The following OR2M3 variants were observed in gnomAD, a reference collection of about 807,000 sequenced individuals.
The protein encoded by OR2M3 is olfactory receptor family 2 subfamily M member 3.
Under a neutral mutation model 4.3 loss-of-function variants are expected in OR2M3, and 1 was observed. The ratio of observed to expected loss-of-function variants is 0.23; its 90% CI spans 0.08 to 1.11. The LOEUF is 1.11. OR2M3 is among the 50% of genes most tolerant of loss of function. OR2M3 has a pLI of 0.54. For synonymous variants in OR2M3, 151 were observed against 139.4 expected (o/e 1.08, Z -0.59); for missense variants, 410 against 390.4 (o/e 1.05, Z -0.42).
At chr1:248,198,241 A>G (rs888150925) in intron 1 of OR2M3, among the ~76,000 whole-genome samples, 1 of 152,122 alleles carries the variant, frequency 6.6e-6, no homozygotes, top group Non-Finnish European at 1.5e-5. Flanking sequence ...GTAGGTAGTC[A>G]TTATTCCAGT....
Position 248,212,352 on chromosome 1 carries a change from A to C in OR2M3, c.*8346A>C, listed in dbSNP as rs1340564553. 6.6e-6 allele frequency: 1 copy of C among 152,068 alleles called. No individual in the cohort carries two copies. The highest frequency in any genetic ancestry group is 1.5e-5 in the Non-Finnish European group (1 of 67,952). 9.4% of individuals were successfully genotyped at this position (152,068 alleles called of 1,614,324 possible). A position where few individuals can be genotyped will look rare whatever the true frequency, so the allele number is the denominator to read the frequency against. On this transcript the variant is annotated 3_prime_UTR_variant, in exon 2 of 2. Transcript: ENST00000641626. Reference sequence around the variant, plus strand: ...TCCTTATCTTTTTAACAATTAAGCAAAATGCATAATTAATTATAGTTATCT... The same window carrying C: ...TCCTTATCTTTTTAACAATTAAGCACAATGCATAATTAATTATAGTTATCT...
Position 248,208,189 on chromosome 1 carries a change from G to C in OR2M3, c.*4183G>C, listed in dbSNP as rs910965813. ...ATGTTCTTTCACCCCTTTAACTTAA[G>C]TTTATGTGAGTCCTTATGTGTTTGG... On this transcript the variant is annotated 3_prime_UTR_variant, in exon 2 of 2. Coordinates refer to ENST00000641626, the MANE Select transcript of OR2M3 (RefSeq NM_001004689.2). 2 of 151,768 alleles carry C rather than the reference G, an allele frequency of 1.3e-5. No homozygotes were observed. Among genetic ancestry groups the C allele is most frequent in the Non-Finnish European group, 2.9e-5 (2 of 67,920 alleles). The allele number at this position is 151,768 out of a possible 1,614,324, so 9.4% of individuals were successfully genotyped here.
intron 1 of OR2M3, among the ~76,000 whole-genome samples, chr1:248,201,787 A>G (rs530390122): frequency 3.9e-5 from 6 of 152,094 alleles, no homozygotes; most frequent in Admixed American, 3.9e-4. Flanking sequence ...ATCATTTTTT[A>G]TGGCTGCATA....
chr1:248,201,442 T>A lies in OR2M3; in HGVS notation c.-18-1608T>A, dbSNP rs955025511. Among the ~76,000 whole-genome samples, 14 of 152,194 alleles carry A rather than the reference T, an allele frequency of 9.2e-5. No homozygotes were observed. The East Asian group carries it at 1.7e-3, about 19-fold the overall frequency. On this transcript the variant is annotated intron_variant, in intron 1 of 1. Transcript: ENST00000641626. ...CTCCAAAGCATTTATCCTCTTTTTT[T>A]ATTATTTTTATTATTATTATACTTT...
rs1043361415 is a variant in OR2M3 at position 248,208,300 on chromosome 1, A to G, written c.*4294A>G. On this transcript the variant is annotated 3_prime_UTR_variant, in exon 2 of 2. Transcript: ENST00000641626. The stretch of plus-strand genomic sequence containing the variant: ...ATTTTTTAAGTGGAACATTTAGGCC[A>G]CTAACATCAATGTCGGAATTGAGAT... 5 of 152,122 alleles carry G rather than the reference A, an allele frequency of 3.3e-5. No individual in the cohort carries two copies. Among genetic ancestry groups the G allele is most frequent in the African/African-American group, 1.2e-4 (5 of 41,436 alleles). 9.4% of individuals were successfully genotyped at this position (152,122 alleles called of 1,614,324 possible). A position where few individuals can be genotyped will look rare whatever the true frequency, so the allele number is the denominator to read the frequency against.
chr1:248,209,702 G>A lies in OR2M3; in HGVS notation c.*5696G>A, dbSNP rs1304513743. On this transcript the variant is annotated 3_prime_UTR_variant, in exon 2 of 2. Coordinates refer to ENST00000641626, the MANE Select transcript of OR2M3 (RefSeq NM_001004689.2). ...GTTCCTGCTCCAGTCGATGTAGCAG[G>A]GGAGTGAAAGGAACTCTGCTAGGGT... 1.3e-5 allele frequency: 2 copies of A among 152,258 alleles called. No homozygotes were observed. The highest frequency in any genetic ancestry group is 4.8e-5 in the African/African-American group (2 of 41,440). 9.4% of individuals were successfully genotyped at this position (152,258 alleles called of 1,614,324 possible). A position where few individuals can be genotyped will look rare whatever the true frequency, so the allele number is the denominator to read the frequency against.
rs1349245369 is a variant in OR2M3, at chr1:248,204,668, C to A, written c.*662C>A. The A allele has an allele frequency of 6.0e-5, 9 of 148,954 alleles. No individual in the cohort carries two copies. Among genetic ancestry groups the A allele is most frequent in the African/African-American group, 2.3e-4 (9 of 39,992 alleles). The allele number at this position is 148,954 out of a possible 1,614,324, so 9.2% of individuals were successfully genotyped here. ...ACACACACACATATATATATATAAC[C>A]TTTTCTTTATCCACTCGTTGATTGA... is the stretch of plus-strand genomic sequence containing the variant. On this transcript the variant is annotated 3_prime_UTR_variant, in exon 2 of 2. Coordinates refer to ENST00000641626, the MANE Select transcript of OR2M3 (RefSeq NM_001004689.2).
Position 248,203,666 on chromosome 1 carries a change from T to C in OR2M3, c.599T>C (p.Phe200Ser). ...ACATCAATATTTGAAAAGATTCTTT[T>C]CATCTGCTGTATAGTAATGATTGTT... is the stretch of plus-strand genomic sequence containing the variant. ...SDTSIFEKILFICCIVMIVFP... is the reference protein window; with the variant it reads ...SDTSIFEKILSICCIVMIVFP... The change falls in exon 2 of 2, where the codon TTC becomes TCC. Residue 200 changes from phenylalanine to serine, a missense_variant. Coordinates refer to ENST00000641626, the MANE Select transcript of OR2M3 (RefSeq NM_001004689.2). 1 of 1,613,812 alleles carries C rather than the reference T, an allele frequency of 6.2e-7. No individual in the cohort carries two copies. Among genetic ancestry groups the C allele is most frequent in the Non-Finnish European group, 8.5e-7 (1 of 1,179,836 alleles).
rs116398815 is a variant in OR2M3 at position 248,209,333 on chromosome 1, C to T, written c.*5327C>T. The T allele has an allele frequency of 2.6e-5, 4 of 152,094 alleles. No individual in the cohort carries two copies. The highest frequency in any genetic ancestry group is 4.8e-5 in the African/African-American group (2 of 41,382). The allele number at this position is 152,094 out of a possible 1,614,324, so 9.4% of individuals were successfully genotyped here. A position where few individuals can be genotyped will look rare whatever the true frequency, so the allele number is the denominator to read the frequency against. Reference sequence around the variant, plus strand: ...TCTGGCAATTCAGAGATTTCCTCTTCGTTTGGATCCATTGGTGGTGAACTG... The same window carrying T: ...TCTGGCAATTCAGAGATTTCCTCTTTGTTTGGATCCATTGGTGGTGAACTG... On this transcript the variant is annotated 3_prime_UTR_variant, in exon 2 of 2. Coordinates refer to ENST00000641626, the MANE Select transcript of OR2M3 (RefSeq NM_001004689.2).
chr1:248,199,788 G>T (rs544244933), intron 1 of OR2M3, among the ~76,000 whole-genome samples: 1 of 151,920 alleles, frequency 6.6e-6, no homozygotes, highest in Admixed American at 6.6e-5. Context: ...CATATTCTCC[G>T]TGACAGGGCA....
intron 1 of OR2M3, among the ~76,000 whole-genome samples, chr1:248,198,704 C>T (rs1011154310): frequency 2.6e-5 from 4 of 152,152 alleles, no homozygotes; most frequent in African/African-American, 9.7e-5. Context: ...TACTATTGCT[C>T]TGGCAGGTGT....
At position 248,206,258 on chromosome 1, in the gene OR2M3, T is replaced by A. The variant is rs1379356652; in HGVS notation, c.*2252T>A. On this transcript the variant is annotated 3_prime_UTR_variant, in exon 2 of 2. Coordinates refer to ENST00000641626, the MANE Select transcript of OR2M3 (RefSeq NM_001004689.2). ...TATCATCAGCAAACAGCGACAGTTT[T>A]CCTTTCTCTTTACCATTTTGGATGT... The A allele has an allele frequency of 1.3e-5, 2 of 152,060 alleles. No individual in the cohort carries two copies. The highest frequency in any genetic ancestry group is 1.5e-5 in the Non-Finnish European group (1 of 67,928). The allele number at this position is 152,060 out of a possible 1,614,324, so 9.4% of individuals were successfully genotyped here.
chr1:248,198,610 A>T (rs545450705), intron 1 of OR2M3, among the ~76,000 whole-genome samples: 2 of 152,114 alleles, frequency 1.3e-5, no homozygotes, highest in Admixed American at 6.6e-5. Flanking sequence ...TTTTTGATCA[A>T]ATTCTGGCCA....
chr1:248,203,884 A>T lies in OR2M3; in HGVS notation c.817A>T (p.Met273Leu), dbSNP rs148929953. 1 of 1,613,760 alleles carries T rather than the reference A, an allele frequency of 6.2e-7. No individual in the cohort carries two copies. The highest frequency in any genetic ancestry group is 1.7e-5 in the Admixed American group (1 of 59,978). The change falls in exon 2 of 2, where the codon ATG (methionine) becomes TTG (leucine). Residue 273 changes from methionine to leucine, a missense_variant. Coordinates refer to ENST00000641626, the MANE Select transcript of OR2M3 (RefSeq NM_001004689.2). ...TSDRSPTQDK[M>L]VSVFYTILTP... ...TGATCGCTCCCCAACACAGGACAAGATGGTGTCTGTATTCTACACCATCCT... is the reference window on the plus strand; with the variant it reads ...TGATCGCTCCCCAACACAGGACAAGTTGGTGTCTGTATTCTACACCATCCT...
At position 248,210,257 on chromosome 1, in the gene OR2M3, G is replaced by A. The variant is rs112059655; in HGVS notation, c.*6251G>A. 0.04 allele frequency: 6,133 copies of A among 152,344 alleles called. 428 individuals are homozygous for A. The highest frequency in any genetic ancestry group is 0.14 in the African/African-American group (5,762 of 41,456). The allele number at this position is 152,344 out of a possible 1,614,324, so 9.4% of individuals were successfully genotyped here. A position where few individuals can be genotyped will look rare whatever the true frequency, so the allele number is the denominator to read the frequency against. On this transcript the variant is annotated 3_prime_UTR_variant, in exon 2 of 2. Transcript: ENST00000641626. ...TGACCAGGGCTGAGAATTTGCCCCA[G>A]ACCATGAGCCTCTCTGTTGAGAAAG...
chr1:248,203,445 T>C lies in OR2M3; in HGVS notation c.378T>C (p.Ile126=). The part of the protein sequence containing the change: ...AVMAYDRYTA[I]CHPLRYTNLM... Reference sequence around the variant, plus strand: ...TGGCTTATGACCGCTACACTGCCATTTGCCACCCTCTAAGATACACCAATC... The same window carrying C: ...TGGCTTATGACCGCTACACTGCCATCTGCCACCCTCTAAGATACACCAATC... The change falls in exon 2 of 2, where the codon ATT becomes ATC. Residue 126 remains isoleucine, a synonymous_variant. Transcript: ENST00000641626. 6.2e-7 allele frequency: 1 copy of C among 1,614,042 alleles called. No homozygotes were observed. The highest frequency in any genetic ancestry group is 1.1e-5 in the South Asian group (1 of 91,084).
intron 1 of OR2M3, among the ~76,000 whole-genome samples, chr1:248,201,653 C>G (rs910303174): frequency 6.8e-6 from 1 of 147,454 alleles, no homozygotes; most frequent in Non-Finnish European, 1.5e-5. Context: ...TGTCCATGTG[C>G]TCTCATTATT....
rs1268759951 is a variant in OR2M3 at position 248,209,555 on chromosome 1, G to C, written c.*5549G>C. 6.6e-6 allele frequency: 1 copy of C among 152,066 alleles called. No individual in the cohort carries two copies. Among genetic ancestry groups the C allele is most frequent in the Non-Finnish European group, 1.5e-5 (1 of 68,030 alleles). The allele number at this position is 152,066 out of a possible 1,614,324, so 9.4% of individuals were successfully genotyped here. On this transcript the variant is annotated 3_prime_UTR_variant, in exon 2 of 2. Coordinates refer to ENST00000641626, the MANE Select transcript of OR2M3 (RefSeq NM_001004689.2). ...CCCCTAGGAATGAGGCTTCCTGAGA[G>C]CCAAACTGTAGTGGCTGTCTAGCCA...
At chr1:248,202,120 T>C (rs1666164304) in intron 1 of OR2M3, among the ~76,000 whole-genome samples, 1 of 152,188 alleles carries the variant, frequency 6.6e-6, no homozygotes, top group Non-Finnish European at 1.5e-5. Context: ...GCTAGAAATC[T>C]GAAATCAAGA....
Sources: allele counts gnomAD v4.1 joint callset (sites outside exome capture counted in the v4.1 genomes callset), GRCh38; gene constraint gnomAD v4.1.1; transcripts MANE v1.5; gene names NCBI Gene and HGNC (gene_info 2026-07-23, HGNC 2026-07-21).